The following ZNF490 variants were observed in gnomAD, a reference collection of about 807,000 sequenced individuals.
ZNF490 encodes the protein zinc finger protein 490.
ZNF490 carries 11 observed loss-of-function variants against 17.7 expected under a neutral mutation model. The ratio of observed to expected loss-of-function variants is 0.62; its 90% CI spans 0.39 to 1.03. ZNF490 has a LOEUF of 1.03. Ranked by LOEUF, ZNF490 falls within the 50% of genes least tolerant of loss-of-function variation. The pLI is 0.00. For synonymous variants in ZNF490, 222 were observed against 216.1 expected (o/e 1.03, Z -0.24); for missense variants, 542 against 643.4 (o/e 0.84, Z 1.71).
rs550147339 is a variant in ZNF490 at position 12,582,563 on chromosome 19, T to G, written c.350+287A>C. ...GTGCACGCCACCACGCCCGGCTAAT[T>G]TTTTGTATTTTTAGTAGAGACAGGG... is the stretch of plus-strand genomic sequence containing the variant. On this transcript the variant is annotated intron_variant, in intron 4 of 4. Transcript: ENST00000311437. Among the ~76,000 whole-genome samples, 8 of 151,768 alleles carry G rather than the reference T, an allele frequency of 5.3e-5. No homozygotes were observed. The South Asian group carries it at 1.0e-3, about 20-fold the overall frequency.
In ZNF490 at chr19:12,580,479, A is replaced by G; in HGVS notation, c.*6T>C. The G allele has an allele frequency of 6.4e-7, 1 of 1,570,636 alleles. No individual in the cohort carries two copies. The highest frequency in any genetic ancestry group is 8.6e-7 in the Non-Finnish European group (1 of 1,160,096). On this transcript the variant is annotated 3_prime_UTR_variant, in exon 5 of 5. Coordinates refer to ENST00000311437, the MANE Select transcript of ZNF490 (RefSeq NM_020714.3). ...ACAACTGACAGCATTACCACACTTT[A>G]CTTTCTTAGGGCTTCTGTCTACTAT...
At chr19:12,599,139 C>CAAAAAAAAAAAAAAAAAAAAAAAAA (rs55911311) in intron 2 of ZNF490, among the ~76,000 whole-genome samples, 40 of 68,632 alleles carry the variant, frequency 5.8e-4, no homozygotes, top group Middle Eastern at 9.4e-3. Flanking sequence ...GACTCTGTCT[C>CAAAAAAAAAAAAAAAAAAAAAAAAA]AAAAAAAAAA....
At position 12,579,756 on chromosome 19, in the gene ZNF490, AT is replaced by A; in HGVS notation, c.*728del. On this transcript the variant is annotated 3_prime_UTR_variant, in exon 5 of 5. Transcript: ENST00000311437. ...AACCCAGAGGTTACAGTGAGCCAGG[AT>A]CACACCACTGCACTCCAGCCTGGGG... 6.6e-6 allele frequency: 1 copy of A among 152,454 alleles called. No homozygotes were observed. Among genetic ancestry groups the A allele is most frequent in the African/African-American group, 2.4e-5 (1 of 41,520 alleles). 9.4% of individuals were successfully genotyped at this position (152,454 alleles called of 1,614,324 possible).
intron 2 of ZNF490, among the ~76,000 whole-genome samples, chr19:12,599,870 T>TG (rs780925064): frequency 1.3e-5 from 2 of 152,194 alleles, no homozygotes; most frequent in African/African-American, 4.8e-5. Flanking sequence ...GTAAACATAT[T>TG]GGCTAAAGTT....
intron 2 of ZNF490, among the ~76,000 whole-genome samples, chr19:12,592,622 T>G (rs1269501375): frequency 1.3e-5 from 2 of 152,144 alleles, no homozygotes; most frequent in African/African-American, 4.8e-5. Flanking sequence ...GAAAGCATCC[T>G]ACATGATGCA....
chr19:12,582,803 C>CTAA, intron 4 of ZNF490, 47 bp downstream of exon 4: 1 of 1,399,264 alleles, frequency 7.1e-7, no homozygotes, highest in Non-Finnish European at 1.0e-6. Context: ...TTATGAAATA[C>CTAA]TAAGATTCTC....
chr19:12,578,654 G>A lies in ZNF490; in HGVS notation c.*1831C>T. 1 of 985,448 alleles carries A rather than the reference G, an allele frequency of 1.0e-6. No homozygotes were observed. Among genetic ancestry groups the A allele is most frequent in the Non-Finnish European group, 1.2e-6 (1 of 829,958 alleles). The allele number at this position is 985,448 out of a possible 1,614,324, so 61.0% of individuals were successfully genotyped here. On this transcript the variant is annotated 3_prime_UTR_variant, in exon 5 of 5. Coordinates refer to ENST00000311437, the MANE Select transcript of ZNF490 (RefSeq NM_020714.3). Reference sequence around the variant, plus strand: ...CTGTAAGATGCGAACCTTTGTCTTAGAAGTACAGCATTCCCACAGTCTGAC... The same window carrying A: ...CTGTAAGATGCGAACCTTTGTCTTAAAAGTACAGCATTCCCACAGTCTGAC...
At position 12,576,902 on chromosome 19, in the gene ZNF490, TACAAAA is replaced by T. The variant is rs2022648611; in HGVS notation, c.*3577_*3582del. The stretch of plus-strand genomic sequence containing the variant: ...ATACACACAGCCCTCTAGACAAATA[TACAAAA>T]ATCACACACGTTATCACTGTACATA... On this transcript the variant is annotated 3_prime_UTR_variant, in exon 5 of 5. Transcript: ENST00000311437. 7.0e-6 allele frequency among the ~76,000 whole-genome samples: 1 copy of T among 142,184 alleles called. No individual in the cohort carries two copies. The highest frequency in any genetic ancestry group is 1.5e-5 in the Non-Finnish European group (1 of 65,902). 93.3% of individuals were successfully genotyped at this position (142,184 alleles called of 152,430 possible). A position where few individuals can be genotyped will look rare whatever the true frequency, so the allele number is the denominator to read the frequency against.
intron 2 of ZNF490, among the ~76,000 whole-genome samples, chr19:12,590,114 A>T (rs577195279): frequency 6.6e-6 from 1 of 151,348 alleles, no homozygotes; most frequent in Admixed American, 6.6e-5. Context: ...ACGGGGTTTC[A>T]CCATATTGAC....
intron 2 of ZNF490, among the ~76,000 whole-genome samples, chr19:12,595,139 TTCTC>T (rs377056711): frequency 4.6e-5 from 7 of 152,162 alleles, no homozygotes; most frequent in Admixed American, 2.6e-4. Context: ...CAGTGTCCTT[TTCTC>T]TCTCTTTTTT....
chr19:12,591,246 A>G (rs2145150557), intron 2 of ZNF490, among the ~76,000 whole-genome samples: 1 of 152,050 alleles, frequency 6.6e-6, no homozygotes, highest in Non-Finnish European at 1.5e-5. Context: ...AAAATTAGCC[A>G]GGTGTGGTGG....
chr19:12,598,936 G>A (rs1276409364), intron 2 of ZNF490, among the ~76,000 whole-genome samples: 5 of 150,514 alleles, frequency 3.3e-5, no homozygotes, highest in Non-Finnish European at 5.9e-5. Context: ...GCGGTGAGCC[G>A]AGACTGCATC....
intron 2 of ZNF490, among the ~76,000 whole-genome samples, chr19:12,595,715 T>G (rs897868442): frequency 5.9e-5 from 9 of 152,094 alleles, no homozygotes; most frequent in Admixed American, 6.6e-5. Context: ...TTTGGGAGGC[T>G]GAGGCAGGTG....
rs768417016 is a variant in ZNF490, at chr19:12,581,442, G to A, written c.633C>T (p.Thr211=). 7.4e-6 allele frequency: 12 copies of A among 1,614,164 alleles called. No individual in the cohort carries two copies. Among genetic ancestry groups the A allele is most frequent in the East Asian group, 2.2e-5 (1 of 44,888 alleles). ...TCTCTCCAGTGTGAATTCTTTCATG[G>A]GTTCGAATACTGGAGCTGCGAGTGA... ...KTFTRSSSIR[T]HERIHTGEKP... The change falls in exon 5 of 5, where the codon ACC becomes ACT. Residue 211 remains threonine (T), a synonymous_variant. Coordinates refer to ENST00000311437, the MANE Select transcript of ZNF490 (RefSeq NM_020714.3).
chr19:12,581,462 G>A lies in ZNF490; in HGVS notation c.613C>T (p.Arg205Cys), dbSNP rs556545502. The change falls in exon 5 of 5, where the codon CGC becomes TGC. Residue 205 changes from arginine (R) to cysteine (C), a missense_variant. Transcript: ENST00000311437. ...TCATGGGTTCGAATACTGGAGCTGC[G>A]AGTGAAGGTTTTCCCACATTCTTTG... ...KCKECGKTFT[R>C]SSSIRTHERI... The A allele has an allele frequency of 5.0e-6, 8 of 1,614,178 alleles. No individual in the cohort carries two copies. The highest frequency in any genetic ancestry group is 2.2e-5 in the East Asian group (1 of 44,882).
Position 12,581,309 on chromosome 19 carries a change from C to T in ZNF490, c.766G>A (p.Gly256Arg). The T allele has an allele frequency of 1.2e-6, 2 of 1,614,148 alleles. No individual in the cohort carries two copies. The highest frequency in any genetic ancestry group is 1.7e-6 in the Non-Finnish European group (2 of 1,180,014). The stretch of plus-strand genomic sequence containing the variant: ...GCAGTGAGATATCTGAATGCCTTCC[C>T]ACATTCCTTACATTCATAGGGTGTC... ...GETPYECKEC[G>R]KAFRYLTALR... Residue 256 changes from glycine (G) to arginine (R), a missense_variant, in exon 5 of 5, where the codon GGG becomes AGG. Physicochemically the swap from Gly to Arg is moderately radical, Grantham distance 125. Coordinates refer to ENST00000311437, the MANE Select transcript of ZNF490 (RefSeq NM_020714.3).
intron 2 of ZNF490, among the ~76,000 whole-genome samples, chr19:12,590,321 A>AT (rs2022854895): frequency 6.6e-6 from 1 of 150,792 alleles, no homozygotes; most frequent in Non-Finnish European, 1.5e-5. Flanking sequence ...GGTTCAAGAG[A>AT]TTTTCCTGCC....
At chr19:12,582,545 C>T (rs906340964) in intron 4 of ZNF490, among the ~76,000 whole-genome samples, 1 of 152,070 alleles carries the variant, frequency 6.6e-6, no homozygotes, top group African/African-American at 2.4e-5. Flanking sequence ...TAGGTGCACG[C>T]CACCACGCCC....
chr19:12,607,190 T>A (rs983710411), intron 2 of ZNF490, among the ~76,000 whole-genome samples: 2 of 151,182 alleles, frequency 1.3e-5, no homozygotes, highest in African/African-American at 4.9e-5. Context: ...TTAAAAAATT[T>A]AAATTTTTTT....
Sources: gnomAD v4.1 joint callset for allele counts (sites outside exome capture counted in the v4.1 genomes callset) on GRCh38, gnomAD v4.1.1 for gene constraint, MANE v1.5 for transcripts, NCBI Gene and HGNC (gene_info 2026-07-23, HGNC 2026-07-21) for gene names.